STARD13: variants seen among roughly 807,000 people sequenced by gnomAD.
STARD13 encodes the protein stAR-related lipid transfer protein 13.
STARD13 carries 62 observed loss-of-function variants against 106.4 expected under a neutral mutation model. The observed-to-expected ratio is 0.58, with a 90% CI of 0.48 to 0.72. The LOEUF (loss-of-function observed/expected upper bound fraction) is 0.72. STARD13 is among the 30% of genes least tolerant of loss of function. STARD13 has a pLI of 0.00. For missense variants in STARD13, 1,387 were observed against 1,424.0 expected, an observed-to-expected ratio of 0.97 and a Z score of 0.42; for synonymous variants, 565 against 553.0, an observed-to-expected ratio of 1.02 and a Z score of -0.31.
At chr13:33,262,099 C>T (rs1890667276) in intron 1 of STARD13, among the ~76,000 whole-genome samples, 1 of 152,196 alleles carries the variant, frequency 6.6e-6, no homozygotes, top group African/African-American at 2.4e-5. Flanking sequence ...GCGGGCAAAG[C>T]CAAGTCTTTC....
intron 1 of STARD13, among the ~76,000 whole-genome samples, chr13:33,243,352 A>G (rs950135389): frequency 6.6e-6 from 1 of 152,174 alleles, no homozygotes; most frequent in Non-Finnish European, 1.5e-5. Flanking sequence ...AGACTTTCCT[A>G]TAGGGAAGGC....
At chr13:33,522,528 T>C in the STARD13 span, among the ~76,000 whole-genome samples, 11 of 152,298 alleles carry the variant, frequency 7.2e-5, no homozygotes, top group Non-Finnish European at 7.4e-5. Context: ...AAATCTTCCA[T>C]GTTCTGCCTA....
intron 1 of STARD13, among the ~76,000 whole-genome samples, chr13:33,282,103 C>T (rs1202372244): frequency 1.3e-5 from 2 of 152,098 alleles, no homozygotes; most frequent in Non-Finnish European, 2.9e-5. Context: ...CACTCCCAAG[C>T]GCCAGTCAGT....
At chr13:33,201,488 CA>C (rs969738408) in intron 1 of STARD13, among the ~76,000 whole-genome samples, 1 of 152,090 alleles carries the variant, frequency 6.6e-6, no homozygotes, top group African/African-American at 2.4e-5. Context: ...GAGAGATTGC[CA>C]AAAAACTTCC....
chr13:33,663,194 TC>T, the STARD13 span, among the ~76,000 whole-genome samples: 2 of 152,126 alleles, frequency 1.3e-5, no homozygotes, highest in African/African-American at 4.8e-5. Flanking sequence ...CAATTGATCC[TC>T]CTACCTTGGC....
the STARD13 span, among the ~76,000 whole-genome samples, chr13:33,534,516 C>T: frequency 2.0e-5 from 3 of 152,110 alleles, no homozygotes; most frequent in African/African-American, 7.2e-5. Context: ...TCTTGTTTAT[C>T]CTTGTTTTAA....
the STARD13 span, among the ~76,000 whole-genome samples, chr13:33,604,117 C>G: frequency 6.6e-6 from 1 of 151,970 alleles, no homozygotes; most frequent in South Asian, 2.1e-4. Context: ...AAAGTCAGAA[C>G]TGAAGCAGGA....
chr13:33,254,783 C>T (rs11843437), intron 1 of STARD13, among the ~76,000 whole-genome samples: 4,576 of 152,200 alleles, frequency 0.03, 216 homozygotes, highest in African/African-American at 0.1. Context: ...GGCTGCTGGA[C>T]GGCCAGGCTT....
At chr13:33,194,273 A>C (rs1886459017) in intron 1 of STARD13, among the ~76,000 whole-genome samples, 1 of 152,180 alleles carries the variant, frequency 6.6e-6, no homozygotes, top group East Asian at 1.9e-4. Context: ...ACTTCACTTC[A>C]AAAAAACCTT....
chr13:33,254,420 A>T (rs899672254), intron 1 of STARD13, among the ~76,000 whole-genome samples: 1 of 152,102 alleles, frequency 6.6e-6, no homozygotes. Context: ...AGGCCTCTCA[A>T]TCCCTTCATA....
chr13:33,492,627 T>A, the STARD13 span, among the ~76,000 whole-genome samples: 1 of 152,302 alleles, frequency 6.6e-6, no homozygotes, highest in East Asian at 1.9e-4. Context: ...ATTTTACAGA[T>A]GCCATGACAA....
At chr13:33,145,780 C>T (rs1177792688) in intron 3 of STARD13, among the ~76,000 whole-genome samples, 2 of 152,176 alleles carry the variant, frequency 1.3e-5, no homozygotes, top group Non-Finnish European at 2.9e-5. Context: ...GCATACACTA[C>T]AGGATTCCAC....
At chr13:33,236,577 T>G (rs1052887595) in intron 1 of STARD13, among the ~76,000 whole-genome samples, 3 of 152,200 alleles carry the variant, frequency 2.0e-5, no homozygotes, top group Non-Finnish European at 4.4e-5. Context: ...TCCCCCTGTT[T>G]CCTTAGCAAT....
the STARD13 span, among the ~76,000 whole-genome samples, chr13:33,598,885 T>A: frequency 6.6e-6 from 1 of 152,222 alleles, no homozygotes; most frequent in African/African-American, 2.4e-5. Flanking sequence ...AAGAAGACAG[T>A]AGGCTCTCCT....
intron 1 of STARD13, among the ~76,000 whole-genome samples, chr13:33,246,603 T>A (rs532110696): frequency 6.6e-6 from 1 of 152,338 alleles, no homozygotes; most frequent in Non-Finnish European, 1.5e-5. Context: ...CAAAACACTG[T>A]GCTAGGTAGA....
At chr13:33,398,642 G>C in the STARD13 span, among the ~76,000 whole-genome samples, 43 of 152,220 alleles carry the variant, frequency 2.8e-4, no homozygotes, top group Non-Finnish European at 5.0e-4. Flanking sequence ...AAAGAGATGT[G>C]AACAGACACT....
At chr13:33,291,775 T>C (rs1024292706) in intron 1 of STARD13, among the ~76,000 whole-genome samples, 1 of 152,166 alleles carries the variant, frequency 6.6e-6, no homozygotes, top group Admixed American at 6.5e-5. Flanking sequence ...TTATATATGA[T>C]CTAAATGTTT....
rs550507717 is a variant in STARD13, at chr13:33,181,160, G to A, written c.170-13538C>T. Reference sequence around the variant, plus strand: ...AGAAGATAACACTATGCCCCTTGGAGGCCTAAGGCATATCAGCTTTGTCCT... The same window carrying A: ...AGAAGATAACACTATGCCCCTTGGAAGCCTAAGGCATATCAGCTTTGTCCT... On this transcript the variant is annotated intron_variant, in intron 1 of 13. Coordinates refer to ENST00000336934, the MANE Select transcript of STARD13 (RefSeq NM_178006.4). Among the ~76,000 whole-genome samples, 6 of 152,162 alleles carry A rather than the reference G, an allele frequency of 3.9e-5. No individual in the cohort carries two copies. In the East Asian group the frequency reaches 1.2e-3, roughly 29 times the overall value.
In STARD13 at chr13:33,167,663, C is replaced by T. The variant is rs9568966; in HGVS notation, c.170-41G>A. 15,599 of 1,571,900 alleles carry T rather than the reference C, an allele frequency of 9.9e-3. 176 individuals carry two copies. The highest frequency in any genetic ancestry group is 0.037 in the East Asian group (1,668 of 44,638). On this transcript the variant is annotated intron_variant, in intron 1 of 13. Transcript: ENST00000336934. ...GAGATAAAATTGTGAGTCCCACAGC[C>T]GCACCCTAGTACTCTGCCTTCTTAA...
Sources: allele counts gnomAD v4.1 joint callset (sites outside exome capture counted in the v4.1 genomes callset), GRCh38; gene constraint gnomAD v4.1.1; transcripts MANE v1.5; gene names NCBI Gene and HGNC (gene_info 2026-07-23, HGNC 2026-07-21).